The following FBXL7 variants were observed in gnomAD, a reference collection of about 807,000 sequenced individuals.
FBXL7 encodes F-box/LRR-repeat protein 7.
Under a neutral mutation model 38.3 loss-of-function variants are expected in FBXL7, and 12 were observed. The observed-to-expected ratio is 0.31, with a 90% CI of 0.20 to 0.51. The LOEUF is 0.51. Ranked by LOEUF, FBXL7 falls within the 20% of genes least tolerant of loss-of-function variation. FBXL7 has a pLI of 0.98. For missense variants in FBXL7, 567 were observed against 676.4 expected, an observed-to-expected ratio of 0.84 and a Z score of 1.79; for synonymous variants, 297 against 300.9, an observed-to-expected ratio of 0.99 and a Z score of 0.13.
At chr5:15,504,784 G>A (rs1470546401) in intron 1 of FBXL7, among the ~76,000 whole-genome samples, 1 of 152,184 alleles carries the variant, frequency 6.6e-6, no homozygotes, top group Non-Finnish European at 1.5e-5. Flanking sequence ...TTTGACTCCA[G>A]TTAAGCCAAA....
chr5:15,898,366 A>C lies in FBXL7; in HGVS notation c.128-29524A>C, dbSNP rs529004916. On this transcript the variant is annotated intron_variant, in intron 2 of 3. Transcript: ENST00000504595. ...GAAAAGGCCTAAGCAATGGTCACCA[A>C]AAACCTGGTAGTGATATATAGGGGT... Among the ~76,000 whole-genome samples, 19 of 152,308 alleles carry C rather than the reference A, an allele frequency of 1.2e-4. No homozygotes were observed. In the East Asian group the frequency reaches 1.9e-3, roughly 15 times the overall value.
At chr5:15,741,301 G>A (rs1421790119) in intron 2 of FBXL7, among the ~76,000 whole-genome samples, 3 of 152,098 alleles carry the variant, frequency 2.0e-5, no homozygotes, top group Non-Finnish European at 4.4e-5. Context: ...TCTAATTTTA[G>A]TAACAGTTTT....
intron 1 of FBXL7, among the ~76,000 whole-genome samples, chr5:15,596,370 T>A (rs1739625481): frequency 6.6e-6 from 1 of 152,198 alleles, no homozygotes; most frequent in Admixed American, 6.5e-5. Flanking sequence ...CCTTTTTTTA[T>A]ATGGGTTTTC....
Position 15,793,860 on chromosome 5 carries a change from TA to T in FBXL7, c.128-134025del, listed in dbSNP as rs532552908. ...AGTTTCTGCAGTGTGTTGTCTTACA[TA>T]AAAACACAGCAACAACACAACTACA... On this transcript the variant is annotated intron_variant, in intron 2 of 3. Coordinates refer to ENST00000504595, the MANE Select transcript of FBXL7 (RefSeq NM_012304.5). Among the ~76,000 whole-genome samples the T allele has an allele frequency of 1.1e-4, 16 of 152,204 alleles. 1 individual carries two copies. The South Asian group carries it at 3.3e-3, about 32-fold the overall frequency.
At chr5:15,751,850 C>T (rs933438059) in intron 2 of FBXL7, among the ~76,000 whole-genome samples, 6 of 152,128 alleles carry the variant, frequency 3.9e-5, no homozygotes, top group Non-Finnish European at 1.5e-5. Flanking sequence ...TAGTATTAAA[C>T]TGGGTGCATA....
At chr5:15,650,334 C>A (rs1580433867) in intron 2 of FBXL7, among the ~76,000 whole-genome samples, 2 of 152,168 alleles carry the variant, frequency 1.3e-5, no homozygotes, top group South Asian at 4.1e-4. Context: ...AATGTATAGA[C>A]CTTAATTTTA....
intron 1 of FBXL7, among the ~76,000 whole-genome samples, chr5:15,611,816 C>G (rs1213300400): frequency 6.7e-6 from 1 of 148,652 alleles, no homozygotes; most frequent in East Asian, 2.0e-4. Flanking sequence ...GACCTCATCT[C>G]TATTAAAAAA....
intron 2 of FBXL7, among the ~76,000 whole-genome samples, chr5:15,765,378 G>T (rs569553272): frequency 1.8e-4 from 28 of 152,188 alleles, no homozygotes; most frequent in African/African-American, 6.5e-4. Flanking sequence ...ACACACTTTT[G>T]TCTGACAGAA....
chr5:15,761,004 G>A (rs1009462200), intron 2 of FBXL7, among the ~76,000 whole-genome samples: 1 of 151,484 alleles, frequency 6.6e-6, no homozygotes, highest in East Asian at 1.9e-4. Flanking sequence ...CACGAATATT[G>A]CATGAATGGG....
At chr5:15,526,387 A>G (rs1737251626) in intron 1 of FBXL7, among the ~76,000 whole-genome samples, 1 of 152,162 alleles carries the variant, frequency 6.6e-6, no homozygotes, top group Non-Finnish European at 1.5e-5. Flanking sequence ...GCTCATTCAC[A>G]TACACCTTGT....
chr5:15,708,857 A>G (rs762983288), intron 2 of FBXL7, among the ~76,000 whole-genome samples: 33 of 152,182 alleles, frequency 2.2e-4, no homozygotes, highest in Admixed American at 6.5e-5. Flanking sequence ...GTAATACAGT[A>G]TTGGAATATT....
chr5:15,721,981 C>T (rs1387346146), intron 2 of FBXL7, among the ~76,000 whole-genome samples: 1 of 152,120 alleles, frequency 6.6e-6, no homozygotes, highest in Non-Finnish European at 1.5e-5. Flanking sequence ...ACTACAGGCA[C>T]CCACCACCAC....
In FBXL7 at chr5:15,790,751, G is replaced by A. The variant is rs185768682; in HGVS notation, c.128-137139G>A. Among the ~76,000 whole-genome samples the A allele has an allele frequency of 5.0e-3, 756 of 152,220 alleles. 5 individuals are homozygous for A. Among genetic ancestry groups the A allele is most frequent in the Non-Finnish European group, 7.8e-3 (532 of 68,010 alleles). On this transcript the variant is annotated intron_variant, in intron 2 of 3. Coordinates refer to ENST00000504595, the MANE Select transcript of FBXL7 (RefSeq NM_012304.5). ...GAACCCAGGTGGAATGATGGGCATC[G>A]GTCTTGTCTTTAAGACACAAAAGTC...
In FBXL7 at chr5:15,636,570, T is replaced by C. The variant is rs187986968; in HGVS notation, c.127+20498T>C. On this transcript the variant is annotated intron_variant, in intron 2 of 3. Transcript: ENST00000504595. Reference sequence around the variant, plus strand: ...TTGGCTGATGTTTAGAAAAAGTAGATTAAAGCAGGGAATCATTTATAGTTT... The same window carrying C: ...TTGGCTGATGTTTAGAAAAAGTAGACTAAAGCAGGGAATCATTTATAGTTT... 5.3e-4 allele frequency among the ~76,000 whole-genome samples: 80 copies of C among 152,300 alleles called. 1 individual carries two copies. The highest frequency in any genetic ancestry group is 2.7e-3 in the East Asian group (14 of 5,192).
At chr5:15,701,859 ACTGTG>A (rs1459493734) in intron 2 of FBXL7, among the ~76,000 whole-genome samples, 1 of 152,206 alleles carries the variant, frequency 6.6e-6, no homozygotes, top group East Asian at 1.9e-4. Flanking sequence ...AGTGTTGGCT[ACTGTG>A]CTAAAGATGA....
Position 15,645,699 on chromosome 5 carries a change from T to A in FBXL7, c.127+29627T>A, listed in dbSNP as rs1013566536. ...CTGGGTTTACAGGACCTGCATGATA[T>A]GAAAGCTATTTCATGATTTCTCAGA... On this transcript the variant is annotated intron_variant, in intron 2 of 3. Coordinates refer to ENST00000504595, the MANE Select transcript of FBXL7 (RefSeq NM_012304.5). 4.6e-5 allele frequency among the ~76,000 whole-genome samples: 7 copies of A among 152,334 alleles called. No homozygotes were observed. In the East Asian group the frequency reaches 7.7e-4, roughly 17 times the overall value.
intron 2 of FBXL7, among the ~76,000 whole-genome samples, chr5:15,705,411 A>G (rs16867584): frequency 0.027 from 4,168 of 152,280 alleles, 116 homozygotes; most frequent in South Asian, 0.077. Flanking sequence ...TGTGTCTGCA[A>G]TCCCTAGAAC....
chr5:15,585,923 T>C (rs1739286986), intron 1 of FBXL7, among the ~76,000 whole-genome samples: 1 of 152,210 alleles, frequency 6.6e-6, no homozygotes, highest in Non-Finnish European at 1.5e-5. Flanking sequence ...GGAGGAAGCT[T>C]CCCTTTGGCT....
intron 2 of FBXL7, among the ~76,000 whole-genome samples, chr5:15,923,177 C>G (rs1047529117): frequency 2.6e-5 from 4 of 152,214 alleles, no homozygotes; most frequent in African/African-American, 4.8e-5. Flanking sequence ...ATCGGGGTCC[C>G]TGTTTCTACT....
Sources: gnomAD v4.1 joint callset for allele counts (sites outside exome capture counted in the v4.1 genomes callset) on GRCh38, gnomAD v4.1.1 for gene constraint, MANE v1.5 for transcripts, NCBI Gene and HGNC (gene_info 2026-07-23, HGNC 2026-07-21) for gene names.